ARPP19: variants seen among roughly 807,000 people sequenced by gnomAD.
The protein encoded by ARPP19 is cAMP-regulated phosphoprotein 19.
ARPP19 carries 8 observed loss-of-function variants against 12.0 expected under a neutral mutation model. The observed-to-expected ratio is 0.67, with a 90% CI of 0.39 to 1.21. ARPP19 has a LOEUF of 1.21. Among genes scored for constraint, ARPP19 ranks in the 50% most tolerant of loss-of-function variants. The pLI is 0.01. For missense variants in ARPP19, 102 were observed against 136.3 expected (o/e 0.75, Z 1.25); for synonymous variants, 47 against 50.4 (o/e 0.93, Z 0.29).
At chr15:52,554,929 AATC>A (rs1204919856) in intron 2 of ARPP19, among the ~76,000 whole-genome samples, 1 of 152,116 alleles carries the variant, frequency 6.6e-6, no homozygotes, top group African/African-American at 2.4e-5. Flanking sequence ...CTATTATAAT[AATC>A]ATAATATCTA....
chr15:52,568,949 GC>G lies in ARPP19; in HGVS notation c.-58del. 1 of 615,782 alleles carries G rather than the reference GC, an allele frequency of 1.6e-6. No individual in the cohort carries two copies. The highest frequency in any genetic ancestry group is 2.7e-6 in the Non-Finnish European group (1 of 369,524). 38.1% of individuals were successfully genotyped at this position (615,782 alleles called of 1,614,324 possible). A position where few individuals can be genotyped will look rare whatever the true frequency, so the allele number is the denominator to read the frequency against. On this transcript the variant is annotated 5_prime_UTR_variant, in exon 1 of 3. Coordinates refer to ENST00000249822, the MANE Select transcript of ARPP19 (RefSeq NM_006628.6). The stretch of plus-strand genomic sequence containing the variant: ...AAGATGCAATTAGCGGGTGGCCGAG[GC>G]CACCCGGCCGCCGCCCGTCCCAGCT...
chr15:52,569,088 G>T (rs1033243071), upstream of ARPP19: 1 of 561,246 alleles, frequency 1.8e-6, no homozygotes, highest in South Asian at 2.2e-5. Context: ...GAGCCCGCCT[G>T]CCCCTCCCGC....
intron 1 of ARPP19, among the ~76,000 whole-genome samples, chr15:52,565,128 G>A (rs2078069663): frequency 6.6e-6 from 1 of 151,646 alleles, no homozygotes; most frequent in Non-Finnish European, 1.5e-5. Flanking sequence ...GGTCCCTGTG[G>A]TTTTGACCTC....
intron 1 of ARPP19, chr15:52,557,851 A>G (rs1296306154): frequency 6.6e-6 from 1 of 152,116 alleles, no homozygotes; most frequent in Non-Finnish European, 1.5e-5. Context: ...TCATAGGATT[A>G]CAGGCATGAC....
chr15:52,568,798 GC>G lies in ARPP19; in HGVS notation c.45+49del, dbSNP rs2078111776. The G allele has an allele frequency of 2.1e-6, 3 of 1,441,058 alleles. No homozygotes were observed. The African/African-American group carries it at 4.5e-5, about 22-fold the overall frequency. The allele number at this position is 1,441,058 out of a possible 1,614,324, so 89.3% of individuals were successfully genotyped here. On this transcript the variant is annotated intron_variant, in intron 1 of 2. Transcript: ENST00000249822. ...TCCGCCTGGCGGGAGCAGGCCGCCC[GC>G]CAGACCCGGCCTTGGGCAGGGCCCA...
chr15:52,558,439 G>A (rs531101608), intron 1 of ARPP19, among the ~76,000 whole-genome samples: 12 of 148,548 alleles, frequency 8.1e-5, no homozygotes, highest in African/African-American at 2.7e-4. Context: ...GCATACCCAG[G>A]TCTAGCGAGA....
At chr15:52,563,061 A>G (rs1268966200) in intron 1 of ARPP19, among the ~76,000 whole-genome samples, 1 of 151,968 alleles carries the variant, frequency 6.6e-6, no homozygotes, top group African/African-American at 2.4e-5. Context: ...TTTTTAGTAC[A>G]GACAGGGTTT....
rs74016837 is a variant in ARPP19, at chr15:52,550,724, A to G, written c.*1210T>C. The G allele has an allele frequency of 6.6e-6, 1 of 152,614 alleles. No individual in the cohort carries two copies. Among genetic ancestry groups the G allele is most frequent in the Admixed American group, 6.5e-5 (1 of 15,288 alleles). 9.5% of individuals were successfully genotyped at this position (152,614 alleles called of 1,614,324 possible). A position where few individuals can be genotyped will look rare whatever the true frequency, so the allele number is the denominator to read the frequency against. ...AGACACCTATGCTTCCATATACAAC[A>G]AACAGCTCAATACCATTTGAGTCAA... On this transcript the variant is annotated 3_prime_UTR_variant, in exon 3 of 3. Transcript: ENST00000249822.
intron 2 of ARPP19, among the ~76,000 whole-genome samples, chr15:52,555,574 A>G (rs1011462602): frequency 7.9e-5 from 12 of 152,014 alleles, no homozygotes; most frequent in African/African-American, 2.7e-4. Context: ...AATTATAGTT[A>G]TAAGCTATAA....
rs894783152 is a variant in ARPP19, at chr15:52,549,945, T to A, written c.*1989A>T. On this transcript the variant is annotated 3_prime_UTR_variant, in exon 3 of 3. Coordinates refer to ENST00000249822, the MANE Select transcript of ARPP19 (RefSeq NM_006628.6). The stretch of plus-strand genomic sequence containing the variant: ...TTTTCTGCCTTTTGGGGTGAGTAGA[T>A]CAGGAAGATAATCAGCAAGCTTTCC... The A allele has an allele frequency of 6.6e-6, 1 of 152,542 alleles. No individual in the cohort carries two copies. Among genetic ancestry groups the A allele is most frequent in the Admixed American group, 6.5e-5 (1 of 15,274 alleles). 9.4% of individuals were successfully genotyped at this position (152,542 alleles called of 1,614,324 possible).
rs143097628 is a variant in ARPP19 at position 52,549,364 on chromosome 15, A to G, written c.*2570T>C. ...ACTGAGCTTTGAGGCAGAACAAAAA[A>G]AAAACAAAAATCTAAAACCTCTCTA... is the stretch of plus-strand genomic sequence containing the variant. On this transcript the variant is annotated 3_prime_UTR_variant, in exon 3 of 3. Transcript: ENST00000249822. The G allele has an allele frequency of 1.3e-5, 2 of 152,612 alleles. No individual in the cohort carries two copies. Among genetic ancestry groups the G allele is most frequent in the African/African-American group, 4.8e-5 (2 of 41,438 alleles). 9.5% of individuals were successfully genotyped at this position (152,612 alleles called of 1,614,324 possible). A position where few individuals can be genotyped will look rare whatever the true frequency, so the allele number is the denominator to read the frequency against.
At position 52,554,447 on chromosome 15, in the gene ARPP19, G is replaced by A. The variant is rs201207758; in HGVS notation, c.169-2343C>T. 5.0e-4 allele frequency among the ~76,000 whole-genome samples: 6 copies of A among 12,004 alleles called. No homozygotes were observed. In the Non-Finnish European group the frequency reaches 0.019, roughly 37 times the overall value. 7.9% of individuals were successfully genotyped at this position (12,004 alleles called of 152,430 possible). A position where few individuals can be genotyped will look rare whatever the true frequency, so the allele number is the denominator to read the frequency against. ...GAAGCTAATGCTTTAAGATAGAGAA[G>A]TGAACTAATGTTTATCAAATTGGGA... On this transcript the variant is annotated intron_variant, in intron 2 of 2. Coordinates refer to ENST00000249822, the MANE Select transcript of ARPP19 (RefSeq NM_006628.6).
upstream of ARPP19, chr15:52,569,094 C>G (rs985984798): frequency 4.5e-5 from 25 of 557,938 alleles, no homozygotes; most frequent in Non-Finnish European, 7.2e-5. Context: ...GCCTGCCCCT[C>G]CCGCACCGCA....
chr15:52,569,162 T>C (rs2078118422), upstream of ARPP19: 10 of 482,730 alleles, frequency 2.1e-5, 1 homozygote, highest in South Asian at 2.3e-4. Flanking sequence ...CTTCCTTTTT[T>C]CCTTCAAAGG....
chr15:52,560,071 G>A (rs1412431470), intron 1 of ARPP19, among the ~76,000 whole-genome samples: 1 of 152,254 alleles, frequency 6.6e-6, no homozygotes, highest in African/African-American at 2.4e-5. Context: ...AAGGAAAATT[G>A]TATGTAGGTA....
At chr15:52,560,152 C>T (rs2078018742) in intron 1 of ARPP19, among the ~76,000 whole-genome samples, 1 of 152,100 alleles carries the variant, frequency 6.6e-6, no homozygotes, top group Admixed American at 6.5e-5. Context: ...ATACCTTGTA[C>T]ACAATCCGGG....
chr15:52,563,412 G>C (rs2078053239), intron 1 of ARPP19, among the ~76,000 whole-genome samples: 1 of 152,080 alleles, frequency 6.6e-6, no homozygotes, highest in South Asian at 2.1e-4. Context: ...TTTACACACA[G>C]ATACATGTAT....
At position 52,568,955 on chromosome 15, in the gene ARPP19, C is replaced by T. The variant is rs1468890232; in HGVS notation, c.-63G>A. 1.7e-6 allele frequency: 2 copies of T among 1,192,508 alleles called. No individual in the cohort carries two copies. Among genetic ancestry groups the T allele is most frequent in the Non-Finnish European group, 2.4e-6 (2 of 841,048 alleles). The allele number at this position is 1,192,508 out of a possible 1,614,324, so 73.9% of individuals were successfully genotyped here. A position where few individuals can be genotyped will look rare whatever the true frequency, so the allele number is the denominator to read the frequency against. On this transcript the variant is annotated 5_prime_UTR_variant, in exon 1 of 3. Transcript: ENST00000249822. ...CAATTAGCGGGTGGCCGAGGCCACC[C>T]GGCCGCCGCCCGTCCCAGCTCTCCC...
At chr15:52,556,063 T>C (rs1347211359) in intron 2 of ARPP19, among the ~76,000 whole-genome samples, 1 of 152,068 alleles carries the variant, frequency 6.6e-6, no homozygotes, top group Non-Finnish European at 1.5e-5. Context: ...ATAAATTTGG[T>C]GTCATTATTC....
Sources: gnomAD v4.1 joint callset for allele counts (sites outside exome capture counted in the v4.1 genomes callset) on GRCh38, gnomAD v4.1.1 for gene constraint, MANE v1.5 for transcripts, NCBI Gene and HGNC (gene_info 2026-07-23, HGNC 2026-07-21) for gene names.